TTC27: variants seen among roughly 807,000 people sequenced by gnomAD.
The protein encoded by TTC27 is tetratricopeptide repeat protein 27.
Under a neutral mutation model 115.9 loss-of-function variants are expected in TTC27, and 79 were observed. The observed-to-expected ratio is 0.68, with a 90% confidence interval of 0.57 to 0.82. TTC27 has a LOEUF of 0.82. Ranked by LOEUF, TTC27 falls within the 40% of genes least tolerant of loss-of-function variation. The probability of loss-of-function intolerance (pLI) is 0.00; values close to 1 mark genes in which losing one functional copy is unlikely to be tolerated. For synonymous variants in TTC27, 401 were observed against 356.0 expected (o/e 1.13, Z -1.42); for missense variants, 1,054 against 993.1 (o/e 1.06, Z -0.82).
intron 11 of TTC27, among the ~76,000 whole-genome samples, chr2:32,734,198 A>C (rs1179356682): frequency 6.6e-6 from 1 of 152,136 alleles, no homozygotes; most frequent in Non-Finnish European, 1.5e-5. Context: ...TTTGAAAGTA[A>C]CTTCTTTTTT....
intron 9 of TTC27, among the ~76,000 whole-genome samples, chr2:32,697,759 T>G (rs537586238): frequency 4.9e-4 from 65 of 132,690 alleles, no homozygotes; most frequent in African/African-American, 2.1e-3. Flanking sequence ...AAGAAAGAAT[T>G]TTTTTTTTTT....
Position 32,733,824 on chromosome 2 carries a change from T to C in TTC27, c.1234-4T>C, listed in dbSNP as rs780006395. On this transcript the variant is annotated splice_region_variant and splice_polypyrimidine_tract_variant and intron_variant, in intron 10 of 19. Coordinates refer to ENST00000317907, the MANE Select transcript of TTC27 (RefSeq NM_017735.5). ...GATTCTGATTGTGATATATGTCCTT[T>C]AAGGCTCTTGCAGACCAATTTGAAG... The C allele has an allele frequency of 6.2e-7, 1 of 1,602,464 alleles. No individual in the cohort carries two copies. Among genetic ancestry groups the C allele is most frequent in the Non-Finnish European group, 8.5e-7 (1 of 1,172,732 alleles).
chr2:32,721,276 T>C (rs1667916461), intron 10 of TTC27, among the ~76,000 whole-genome samples: 1 of 152,212 alleles, frequency 6.6e-6, no homozygotes, highest in African/African-American at 2.4e-5. Context: ...AGGAGTCATT[T>C]AGTTGTAAGG....
At chr2:32,628,508 G>T in intron 1 of TTC27, 128 bp downstream of exon 1, 1 of 972,102 alleles carries the variant, frequency 1.0e-6, no homozygotes, top group Non-Finnish European at 1.4e-6. Flanking sequence ...TGAGGCTTTG[G>T]GTCGTTTAGT....
intron 9 of TTC27, among the ~76,000 whole-genome samples, chr2:32,698,787 G>T (rs1009604665): frequency 6.6e-6 from 1 of 152,024 alleles, no homozygotes; most frequent in Non-Finnish European, 1.5e-5. Context: ...GCCAAGGAAC[G>T]TGTTGTCTTA....
chr2:32,671,771 C>A (rs1317674193), intron 7 of TTC27, among the ~76,000 whole-genome samples: 1 of 152,210 alleles, frequency 6.6e-6, no homozygotes, highest in Non-Finnish European at 1.5e-5. Context: ...ACTGATCACA[C>A]TATATTGCTG....
At chr2:32,658,899 C>T (rs1487893604) in intron 5 of TTC27, among the ~76,000 whole-genome samples, 1 of 152,114 alleles carries the variant, frequency 6.6e-6, no homozygotes, top group African/African-American at 2.4e-5. Flanking sequence ...ACTGCCAAGC[C>T]AATATTCACT....
chr2:32,778,100 AAGGT>A, intron 14 of TTC27, 120 bp downstream of exon 14: 13 of 833,114 alleles, frequency 1.6e-5, no homozygotes, highest in African/African-American at 3.4e-5. Flanking sequence ...CATTTGAGGG[AAGGT>A]CGTACCTCAA....
chr2:32,724,960 C>A (rs577319649), intron 10 of TTC27, among the ~76,000 whole-genome samples: 2 of 152,174 alleles, frequency 1.3e-5, no homozygotes, highest in Non-Finnish European at 2.9e-5. Flanking sequence ...TCACATCTTA[C>A]GTGGATGGCA....
intron 10 of TTC27, among the ~76,000 whole-genome samples, chr2:32,729,296 A>T (rs1477001919): frequency 6.6e-6 from 1 of 152,190 alleles, no homozygotes; most frequent in African/African-American, 2.4e-5. Flanking sequence ...TTACTAAATC[A>T]TTCTCCATGT....
At chr2:32,719,915 C>A (rs1180627216) in intron 10 of TTC27, among the ~76,000 whole-genome samples, 4 of 152,162 alleles carry the variant, frequency 2.6e-5, no homozygotes, top group African/African-American at 9.7e-5. Flanking sequence ...GGGTAAGTCT[C>A]CCTCAGCAGC....
intron 13 of TTC27, among the ~76,000 whole-genome samples, chr2:32,774,987 G>C (rs1014004006): frequency 1.3e-5 from 2 of 152,114 alleles, no homozygotes; most frequent in African/African-American, 4.8e-5. Context: ...TCATCTGTCT[G>C]ATTTTCATTA....
intron 3 of TTC27, chr2:32,635,210 G>C (rs1305828832): frequency 6.6e-6 from 1 of 152,348 alleles, no homozygotes; most frequent in East Asian, 1.9e-4. Context: ...TACAAAAGAA[G>C]TATGGTTTAA....
chr2:32,628,167 G>C lies in TTC27; in HGVS notation c.-126G>C. ...CGCACATGGAATTCTAGGGCCGCAG[G>C]TGTATTTACGGTAACTGTCGCCACT... On this transcript the variant is annotated 5_prime_UTR_variant, in exon 1 of 20. Transcript: ENST00000317907. The C allele has an allele frequency of 1.2e-6, 1 of 836,224 alleles. No homozygotes were observed. The highest frequency in any genetic ancestry group is 1.9e-6 in the Non-Finnish European group (1 of 517,954). The allele number at this position is 836,224 out of a possible 1,614,324, so 51.8% of individuals were successfully genotyped here. A position where few individuals can be genotyped will look rare whatever the true frequency, so the allele number is the denominator to read the frequency against.
intron 7 of TTC27, among the ~76,000 whole-genome samples, chr2:32,668,802 G>T (rs1572496574): frequency 6.6e-6 from 1 of 151,174 alleles, no homozygotes; most frequent in South Asian, 2.2e-4. Context: ...AATTTTGGCT[G>T]GGCGTGGTGG....
chr2:32,727,847 C>G (rs1668160429), intron 10 of TTC27, among the ~76,000 whole-genome samples: 1 of 151,834 alleles, frequency 6.6e-6, no homozygotes, highest in Admixed American at 6.6e-5. Flanking sequence ...TTAAATTTTC[C>G]TGTTTTTATT....
intron 13 of TTC27, among the ~76,000 whole-genome samples, chr2:32,764,170 T>C (rs1300603225): frequency 7.2e-5 from 11 of 152,188 alleles, no homozygotes; most frequent in Admixed American, 7.2e-4. Context: ...TTATTTTCCT[T>C]AACCTCCTCC....
At chr2:32,689,724 C>T (rs1666751227) in intron 9 of TTC27, among the ~76,000 whole-genome samples, 1 of 151,948 alleles carries the variant, frequency 6.6e-6, no homozygotes, top group Non-Finnish European at 1.5e-5. Flanking sequence ...AAATTTTTCC[C>T]CTTTTGTGAT....
chr2:32,761,425 G>A (rs940326579), intron 13 of TTC27, among the ~76,000 whole-genome samples: 4 of 152,042 alleles, frequency 2.6e-5, no homozygotes, highest in Non-Finnish European at 4.4e-5. Context: ...TATTCTCAAA[G>A]GACATCCACA....
Sources: allele counts gnomAD v4.1 joint callset (sites outside exome capture counted in the v4.1 genomes callset), GRCh38; gene constraint gnomAD v4.1.1; transcripts MANE v1.5; gene names NCBI Gene and HGNC (gene_info 2026-07-23, HGNC 2026-07-21).